The following MSH3 variants were observed in gnomAD, a reference collection of about 807,000 sequenced individuals.
MSH3 encodes mutS homolog 3.
In MSH3, 106 loss-of-function variants were observed where a neutral mutation model predicts 123.3. The observed-to-expected ratio is 0.86, with a 90% CI of 0.73 to 1.01. MSH3 has a LOEUF of 1.01. Among genes scored for constraint, MSH3 ranks in the 50% least tolerant of loss-of-function variants. The pLI is 0.00. For missense variants in MSH3, 1,459 were observed against 1,347.6 expected, an observed-to-expected ratio of 1.08 and a Z score of -1.29; for synonymous variants, 515 against 481.4, an observed-to-expected ratio of 1.07 and a Z score of -0.91.
intron 8 of MSH3, among the ~76,000 whole-genome samples, chr5:80,689,299 T>C (rs1265012620): frequency 6.6e-6 from 1 of 152,184 alleles, no homozygotes; most frequent in Non-Finnish European, 1.5e-5. Context: ...TATTTAGATG[T>C]TTCTCAAATT....
chr5:80,797,269 C>G (rs1744714708), intron 19 of MSH3, among the ~76,000 whole-genome samples: 1 of 152,136 alleles, frequency 6.6e-6, no homozygotes, highest in African/African-American at 2.4e-5. Context: ...TCTGCCTTTC[C>G]CAGTGGACTG....
chr5:80,662,078 A>G (rs1749446258), intron 2 of MSH3, among the ~76,000 whole-genome samples: 1 of 152,238 alleles, frequency 6.6e-6, no homozygotes, highest in African/African-American at 2.4e-5. Flanking sequence ...CACCTATACA[A>G]CATTAATCTC....
intron 11 of MSH3, among the ~76,000 whole-genome samples, 189 bp downstream of exon 11, chr5:80,741,737 A>G (rs2112867001): frequency 6.6e-6 from 1 of 151,996 alleles, no homozygotes; most frequent in Admixed American, 6.5e-5. Flanking sequence ...TTTTGGGGGG[A>G]ATGATGGAGC....
intron 8 of MSH3, among the ~76,000 whole-genome samples, chr5:80,720,029 T>C (rs573508162): frequency 6.6e-6 from 1 of 152,276 alleles, no homozygotes; most frequent in Non-Finnish European, 1.5e-5. Flanking sequence ...TGACCATACT[T>C]TGGGTATAGC....
intron 8 of MSH3, among the ~76,000 whole-genome samples, chr5:80,688,004 G>T (rs994286519): frequency 6.6e-6 from 1 of 152,150 alleles, no homozygotes; most frequent in African/African-American, 2.4e-5. Context: ...GTAGGGATGT[G>T]TAGTTATAAT....
chr5:80,684,596 A>G (rs1389130726), intron 8 of MSH3, among the ~76,000 whole-genome samples: 1 of 152,150 alleles, frequency 6.6e-6, no homozygotes. Context: ...GTTTTTCCAA[A>G]TGTAAGTTCA....
At chr5:80,866,222 A>G (rs1408924499) in intron 22 of MSH3, among the ~76,000 whole-genome samples, 2 of 152,174 alleles carry the variant, frequency 1.3e-5, no homozygotes, top group Admixed American at 6.5e-5. Context: ...CACTGCAGAC[A>G]CAACCTCCCA....
intron 23 of MSH3, among the ~76,000 whole-genome samples, 164 bp downstream of exon 23, chr5:80,873,451 C>T (rs1475119885): frequency 6.6e-6 from 1 of 152,182 alleles, no homozygotes; most frequent in Non-Finnish European, 1.5e-5. Context: ...TCTTGCAAAG[C>T]TCAGGTGAAT....
At chr5:80,685,474 A>C (rs1012468316) in intron 8 of MSH3, among the ~76,000 whole-genome samples, 2 of 151,920 alleles carry the variant, frequency 1.3e-5, no homozygotes, top group Non-Finnish European at 2.9e-5. Flanking sequence ...CATAGTAACC[A>C]CTAATGATCC....
intron 7 of MSH3, among the ~76,000 whole-genome samples, chr5:80,675,901 T>C (rs1749828208): frequency 6.6e-6 from 1 of 152,256 alleles, no homozygotes; most frequent in Non-Finnish European, 1.5e-5. Context: ...TATGGTATTA[T>C]ATCTAGATTT....
At position 80,724,256 on chromosome 5, in the gene MSH3, G is replaced by A. The variant is rs2112854430; in HGVS notation, c.1341-1197G>A. On this transcript the variant is annotated intron_variant, in intron 8 of 23. Coordinates refer to ENST00000265081, the MANE Select transcript of MSH3 (RefSeq NM_002439.5). ...TCTATATACTATGAAATATTTTTCAGCCATTAAAAAGAAGGAGTTGTAGCT... is the reference window on the plus strand; with the variant it reads ...TCTATATACTATGAAATATTTTTCAACCATTAAAAAGAAGGAGTTGTAGCT... Among the ~76,000 whole-genome samples, 4 of 152,288 alleles carry A rather than the reference G, an allele frequency of 2.6e-5. No individual in the cohort carries two copies. The Middle Eastern group carries it at 0.01, about 388-fold the overall frequency.
At position 80,741,517 on chromosome 5, in the gene MSH3, C is replaced by T. The variant is rs1178614269; in HGVS notation, c.1622C>T (p.Thr541Ile). The T allele has an allele frequency of 2.5e-6, 4 of 1,608,694 alleles. No individual in the cohort carries two copies. Among genetic ancestry groups the T allele is most frequent in the Admixed American group, 1.7e-5 (1 of 59,998 alleles). ...KMEFMTINGT[T>I]LRNLEILQNQ... ...GAATTTATGACAATTAATGGAACAACATTAAGGAATCTGGAAATCCTACAG... is the reference window on the plus strand; with the variant it reads ...GAATTTATGACAATTAATGGAACAATATTAAGGAATCTGGAAATCCTACAG... The change falls in exon 11 of 24, where the codon ACA becomes ATA. Residue 541 changes from threonine to isoleucine, a missense_variant. Transcript: ENST00000265081.
chr5:80,824,717 T>C (rs1374542565), intron 20 of MSH3, among the ~76,000 whole-genome samples: 1 of 152,228 alleles, frequency 6.6e-6, no homozygotes. Flanking sequence ...TCTACAAGTA[T>C]ACATCTTTTC....
At chr5:80,713,738 A>G (rs1240436807) in intron 8 of MSH3, among the ~76,000 whole-genome samples, 1 of 152,184 alleles carries the variant, frequency 6.6e-6, no homozygotes, top group South Asian at 2.1e-4. Context: ...GCAGATTTCC[A>G]TCCATTTTTA....
chr5:80,819,466 G>GTGTGTGTGTA lies in MSH3; in HGVS notation c.2813+5726_2813+5727insGTGTGTGTAT, dbSNP rs773803699. Among the ~76,000 whole-genome samples the GTGTGTGTGTA allele has an allele frequency of 1.4e-3, 201 of 145,790 alleles. 2 individuals are homozygous for GTGTGTGTGTA. In the East Asian group the frequency reaches 0.032, roughly 23 times the overall value. On this transcript the variant is annotated intron_variant, in intron 20 of 23. Coordinates refer to ENST00000265081, the MANE Select transcript of MSH3 (RefSeq NM_002439.5). ...TGTATATGTGTGTGTGTGTGTGTGT[G>GTGTGTGTGTA]TATATATATATATAATTTTTTTTTT... is the stretch of plus-strand genomic sequence containing the variant.
rs565145010 is a variant in MSH3 at position 80,869,795 on chromosome 5, C to CAT, written c.3131-3313_3131-3312dup. Among the ~76,000 whole-genome samples, 220 of 130,152 alleles carry CAT rather than the reference C, an allele frequency of 1.7e-3. 1 individual carries two copies. Among genetic ancestry groups the CAT allele is most frequent in the Non-Finnish European group, 1.3e-3 (81 of 63,910 alleles). The allele number at this position is 130,152 out of a possible 152,430, so 85.4% of individuals were successfully genotyped here. On this transcript the variant is annotated intron_variant, in intron 22 of 23. Transcript: ENST00000265081. ...CTCTTTATATATGTATACATATATA[C>CAT]ATATATATACATATATACATATATA...
chr5:80,839,227 G>A (rs1383399065), intron 20 of MSH3, among the ~76,000 whole-genome samples: 1 of 152,020 alleles, frequency 6.6e-6, no homozygotes, highest in Non-Finnish European at 1.5e-5. Context: ...TATTAGCCAG[G>A]TGTGGTGGCG....
chr5:80,674,458 T>G (rs953710961), intron 6 of MSH3, among the ~76,000 whole-genome samples: 2 of 152,192 alleles, frequency 1.3e-5, no homozygotes, highest in Non-Finnish European at 2.9e-5. Flanking sequence ...TACTTTGAAT[T>G]GTGGAATTAA....
intron 8 of MSH3, among the ~76,000 whole-genome samples, chr5:80,684,174 C>A (rs1471655124): frequency 6.6e-6 from 1 of 151,878 alleles, no homozygotes; most frequent in East Asian, 1.9e-4. Context: ...CTGAGTCTTT[C>A]GTTGCTCATA....
Sources: gnomAD v4.1 joint callset for allele counts (sites outside exome capture counted in the v4.1 genomes callset) on GRCh38, gnomAD v4.1.1 for gene constraint, MANE v1.5 for transcripts, NCBI Gene and HGNC (gene_info 2026-07-23, HGNC 2026-07-21) for gene names.